The following PLEKHM2 variants were observed in gnomAD, a reference collection of about 807,000 sequenced individuals.
PLEKHM2 encodes pleckstrin homology and RUN domain containing M2, also known as pleckstrin homology domain-containing family M member 2.
Under a neutral mutation model 116.3 loss-of-function variants are expected in PLEKHM2, and 77 were observed. That is an observed-to-expected ratio of 0.66 (90% CI 0.55 to 0.80). PLEKHM2 has a LOEUF of 0.80. PLEKHM2 is among the 30% of genes least tolerant of loss of function. The pLI, the probability that PLEKHM2 is intolerant of heterozygous loss-of-function variation, is 0.00. For missense variants in PLEKHM2, 1,183 were observed against 1,354.9 expected, an observed-to-expected ratio of 0.87 and a Z score of 1.99; for synonymous variants, 562 against 571.0, an observed-to-expected ratio of 0.98 and a Z score of 0.22.
chr1:15,728,442 G>T lies in PLEKHM2; in HGVS notation c.1921+85G>T. 7.9e-7 allele frequency: 1 copy of T among 1,271,284 alleles called. No individual in the cohort carries two copies. The highest frequency in any genetic ancestry group is 2.4e-5 in the East Asian group (1 of 41,506). The allele number at this position is 1,271,284 out of a possible 1,614,324, so 78.8% of individuals were successfully genotyped here. On this transcript the variant is annotated intron_variant, in intron 11 of 19. Transcript: ENST00000375799. This position sits in a 1 kb window ranked among gnomAD's most constrained non-coding sequence, Gnocchi z 5.9. ...TCCCCAGTCCCCTTGCCCTCTGAGT[G>T]CCTCCCGGCTGCCTGGCATGCAGTG...
At position 15,728,315 on chromosome 1, in the gene PLEKHM2, T is replaced by C; in HGVS notation, c.1879T>C (p.Tyr627His). 6.2e-7 allele frequency: 1 copy of C among 1,613,238 alleles called. No individual in the cohort carries two copies. Among genetic ancestry groups the C allele is most frequent in the South Asian group, 1.1e-5 (1 of 91,080 alleles). Residue 627 changes from tyrosine (Y) to histidine (H), a missense_variant, in exon 11 of 20, where the codon TAC (tyrosine) becomes CAC (histidine). Physicochemically the swap from Tyr to His is moderately conservative, Grantham distance 83. Around this residue, in one of 3 missense-constraint regions of PLEKHM2, gnomAD observed 594 missense variants for 720.1 expected, o/e 0.82. Coordinates refer to ENST00000375799, the MANE Select transcript of PLEKHM2 (RefSeq NM_015164.4). The surrounding 1 kb of genome is among the most constrained non-coding windows in gnomAD (Gnocchi z 5.9). ...CATGGAGGGCAACCTGCAGCTGCTG[T>C]ACGTGCTGCTCACAGACTGCTATGT... ...GHMEGNLQLL[Y>H]VLLTDCYVYL...
chr1:15,696,268 T>C (rs1640993696), intron 1 of PLEKHM2, among the ~76,000 whole-genome samples: 1 of 152,202 alleles, frequency 6.6e-6, no homozygotes, highest in Admixed American at 6.5e-5. Context: ...GTGTTGGTCT[T>C]GAAGTAACAG....
intron 6 of PLEKHM2, chr1:15,720,827 AGGC>A (rs1384622231): frequency 6.6e-6 from 1 of 152,666 alleles, no homozygotes; most frequent in Non-Finnish European, 1.5e-5. Context: ...AAGCTGAAGA[AGGC>A]GGCACAGTCT....
chr1:15,727,736 G>C lies in PLEKHM2; in HGVS notation c.1664G>C (p.Arg555Pro), dbSNP rs754709565. The change falls in exon 9 of 20, where the codon CGA becomes CCA. Residue 555 changes from arginine (R) to proline (P), a missense_variant. Coordinates refer to ENST00000375799, the MANE Select transcript of PLEKHM2 (RefSeq NM_015164.4). The surrounding 1 kb of genome is among the most constrained non-coding windows in gnomAD (Gnocchi z 7.5). The part of the protein sequence containing the change: ...GTQEVLCQLK[R>P]DQPSPCLSSA... ...CAGGAGGTTCTCTGCCAGCTCAAGCGAGACCAGCCCAGCCCGTGTCTGAGT... is the reference window on the plus strand; with the variant it reads ...CAGGAGGTTCTCTGCCAGCTCAAGCCAGACCAGCCCAGCCCGTGTCTGAGT... 2 of 1,601,670 alleles carry C rather than the reference G, an allele frequency of 1.2e-6. No homozygotes were observed. The highest frequency in any genetic ancestry group is 1.7e-6 in the Non-Finnish European group (2 of 1,175,050).
intron 1 of PLEKHM2, among the ~76,000 whole-genome samples, chr1:15,691,181 C>T (rs2145398): frequency 0.096 from 14,622 of 152,126 alleles, 945 homozygotes; most frequent in African/African-American, 0.18. Flanking sequence ...GCGATTCTCC[C>T]GCCTCAGCCA....
intron 1 of PLEKHM2, among the ~76,000 whole-genome samples, chr1:15,695,921 C>T (rs745873329): frequency 1.3e-5 from 2 of 152,018 alleles, no homozygotes; most frequent in Non-Finnish European, 2.9e-5. Flanking sequence ...CCTACCTCAG[C>T]CCTCCTGAAT....
intron 1 of PLEKHM2, among the ~76,000 whole-genome samples, chr1:15,695,882 GC>G (rs138035867): frequency 0.025 from 3,733 of 152,008 alleles, 152 homozygotes; most frequent in African/African-American, 0.086. Flanking sequence ...GCTCACTGCA[GC>G]CTCGACCTCC....
At chr1:15,699,848 T>A (rs1197162805) in intron 1 of PLEKHM2, among the ~76,000 whole-genome samples, 1 of 151,634 alleles carries the variant, frequency 6.6e-6, no homozygotes, top group East Asian at 1.9e-4. Context: ...GGCATGGTGG[T>A]GTGCGCCTAT....
At chr1:15,705,076 C>T (rs1479764384) in intron 1 of PLEKHM2, among the ~76,000 whole-genome samples, 2 of 151,834 alleles carry the variant, frequency 1.3e-5, no homozygotes, top group South Asian at 2.1e-4. Context: ...TCCTGCTGCA[C>T]ACTCACGGCT....
In PLEKHM2 at chr1:15,734,602, A is replaced by AGAAGGGC. The variant is rs2068198439; in HGVS notation, c.*670_*676dup. 6.6e-6 allele frequency: 1 copy of AGAAGGGC among 152,408 alleles called. No homozygotes were observed. The highest frequency in any genetic ancestry group is 2.1e-4 in the South Asian group (1 of 4,832). The allele number at this position is 152,408 out of a possible 1,614,324, so 9.4% of individuals were successfully genotyped here. A position where few individuals can be genotyped will look rare whatever the true frequency, so the allele number is the denominator to read the frequency against. On this transcript the variant is annotated 3_prime_UTR_variant, in exon 20 of 20. Coordinates refer to ENST00000375799, the MANE Select transcript of PLEKHM2 (RefSeq NM_015164.4). ...CAAAGGGGGTGGATGGGGGGCTTGGAGAAGGGCGGAGCCCACCAGCCTGGC... is the reference window on the plus strand; with the variant it reads ...CAAAGGGGGTGGATGGGGGGCTTGGAGAAGGGCGAAGGGCGGAGCCCACCAGCCTGGC...
At position 15,725,463 on chromosome 1, in the gene PLEKHM2, C is replaced by T; in HGVS notation, c.859C>T (p.Pro287Ser). The T allele has an allele frequency of 3.8e-6, 6 of 1,577,188 alleles. No individual in the cohort carries two copies. Among genetic ancestry groups the T allele is most frequent in the Non-Finnish European group, 5.2e-6 (6 of 1,162,504 alleles). ...AETVSSSDTT[P>S]VHTTSQEKEE... ...GACTGTGTCCTCCTCTGACACCACC[C>T]CCGTGCACACCACCTCTCAGGAGAA... Residue 287 changes from proline (P) to serine (S), a missense_variant, in exon 8 of 20, where the codon CCC becomes TCC. Pro to Ser is a moderately conservative substitution (Grantham distance 74). This residue lies in a region of PLEKHM2 where 372 missense variants were observed against 357.2 expected (regional missense o/e 1.04). Transcript: ENST00000375799.
chr1:15,704,714 C>T (rs996592620), intron 1 of PLEKHM2, among the ~76,000 whole-genome samples: 3 of 152,344 alleles, frequency 2.0e-5, no homozygotes, highest in African/African-American at 7.2e-5. Context: ...CCCGCCCCTG[C>T]GCCCATGTGC....
chr1:15,712,568 C>T (rs1641356615), intron 1 of PLEKHM2, among the ~76,000 whole-genome samples: 1 of 151,486 alleles, frequency 6.6e-6, no homozygotes, highest in Admixed American at 6.6e-5. Context: ...TATGGTACAT[C>T]ATAATGATAT....
intron 7 of PLEKHM2, chr1:15,722,845 G>A (rs7542762): frequency 0.16 from 24,325 of 151,388 alleles, 3,626 homozygotes; most frequent in African/African-American, 0.4. Flanking sequence ...TTTTCCCTCC[G>A]ATTCTAACAA....
intron 16 of PLEKHM2, 135 bp downstream of exon 16, chr1:15,731,392 G>A (rs948164066): frequency 7.1e-5 from 51 of 719,168 alleles, no homozygotes; most frequent in Non-Finnish European, 1.1e-4. Context: ...CAGGTGGCCT[G>A]GGGCTTCCAC....
At chr1:15,701,539 C>A (rs538981908) in intron 1 of PLEKHM2, among the ~76,000 whole-genome samples, 55 of 152,180 alleles carry the variant, frequency 3.6e-4, no homozygotes, top group Non-Finnish European at 6.6e-4. Context: ...CCTGTAATCC[C>A]AGCACTTTGG....
chr1:15,704,702 C>T (rs867964493), intron 1 of PLEKHM2, among the ~76,000 whole-genome samples: 42 of 152,202 alleles, frequency 2.8e-4, no homozygotes, highest in Middle Eastern at 3.2e-3. Context: ...CAGGCTGCTG[C>T]CCCCGCCCCT....
intron 1 of PLEKHM2, among the ~76,000 whole-genome samples, chr1:15,715,832 G>A (rs942012097): frequency 2.0e-5 from 3 of 152,340 alleles, no homozygotes; most frequent in South Asian, 4.1e-4. Context: ...TACGTCTAGC[G>A]CTCTCTGTAT....
Position 15,684,627 on chromosome 1 carries a change from G to T in PLEKHM2, c.60+9G>T. On this transcript the variant is annotated intron_variant, in intron 1 of 19. Coordinates refer to ENST00000375799, the MANE Select transcript of PLEKHM2 (RefSeq NM_015164.4). Reference sequence around the variant, plus strand: ...CGCTGTCGGTGAAGAAGGTGAGCGCGGCCTCCCTCCCGGCCGGGGCCCCTT... The same window carrying T: ...CGCTGTCGGTGAAGAAGGTGAGCGCTGCCTCCCTCCCGGCCGGGGCCCCTT... 1 of 1,281,798 alleles carries T rather than the reference G, an allele frequency of 7.8e-7. No homozygotes were observed. The highest frequency in any genetic ancestry group is 1.0e-6 in the Non-Finnish European group (1 of 1,002,436). 79.4% of individuals were successfully genotyped at this position (1,281,798 alleles called of 1,614,324 possible). A position where few individuals can be genotyped will look rare whatever the true frequency, so the allele number is the denominator to read the frequency against.
Sources: gnomAD v4.1 joint callset for allele counts (sites outside exome capture counted in the v4.1 genomes callset) on GRCh38, gnomAD v4.1.1 for gene constraint, gnomAD v4.1.1 regional missense constraint, Gnocchi (gnomAD v3.1) non-coding constraint, MANE v1.5 for transcripts, NCBI Gene and HGNC (gene_info 2026-07-23, HGNC 2026-07-21) for gene names.